The following RALGAPA1 variants were observed in gnomAD, a reference collection of about 807,000 sequenced individuals.
The protein encoded by RALGAPA1 is ral GTPase-activating protein subunit alpha-1.
Under a neutral mutation model 269.6 loss-of-function variants are expected in RALGAPA1, and 52 were observed. The ratio of observed to expected loss-of-function variants is 0.19; its 90% CI spans 0.15 to 0.24. The LOEUF (loss-of-function observed/expected upper bound fraction) is 0.24, where lower values mean the gene tolerates loss of function less well. Among genes scored for constraint, RALGAPA1 ranks in the 10% least tolerant of loss-of-function variants. RALGAPA1 has a pLI of 1.00. For missense variants in RALGAPA1, 1,917 were observed against 3,013.9 expected, an observed-to-expected ratio of 0.64 and a Z score of 8.52; for synonymous variants, 817 against 1,008.3, an observed-to-expected ratio of 0.81 and a Z score of 3.60.
chr14:35,707,390 C>G (rs564918180), intron 16 of RALGAPA1: 3 of 152,204 alleles, frequency 2.0e-5, no homozygotes, highest in Admixed American at 1.3e-4. Flanking sequence ...CAGAAAAAAA[C>G]CTAGTTTCTC....
chr14:35,687,583 T>G (rs953161452), intron 18 of RALGAPA1, among the ~76,000 whole-genome samples: 1 of 152,210 alleles, frequency 6.6e-6, no homozygotes, highest in South Asian at 2.1e-4. Context: ...AACAAAACCA[T>G]GTTAAAACAA....
At chr14:35,601,469 T>A (rs994311016) in intron 36 of RALGAPA1, among the ~76,000 whole-genome samples, 1 of 152,068 alleles carries the variant, frequency 6.6e-6, no homozygotes, top group Non-Finnish European at 1.5e-5. Flanking sequence ...GGGGATGGGG[T>A]CAAGGAATTG....
At chr14:35,747,881 T>G (rs2072268211) in intron 10 of RALGAPA1, among the ~76,000 whole-genome samples, 1 of 152,172 alleles carries the variant, frequency 6.6e-6, no homozygotes, top group Non-Finnish European at 1.5e-5. Flanking sequence ...AATAGCTTTT[T>G]GTTCTTTTAT....
At chr14:35,691,969 C>G (rs1210448604) in intron 17 of RALGAPA1, among the ~76,000 whole-genome samples, 1 of 152,138 alleles carries the variant, frequency 6.6e-6, no homozygotes, top group South Asian at 2.1e-4. Flanking sequence ...CATTTCCTTA[C>G]AAACTTCACT....
intron 16 of RALGAPA1, 117 bp downstream of exon 16, chr14:35,721,571 T>A: frequency 1.1e-6 from 1 of 925,768 alleles, no homozygotes; most frequent in Non-Finnish European, 1.6e-6. Flanking sequence ...GCTATAGCAG[T>A]TTTTCATTTC....
At chr14:35,623,682 T>C (rs1011612887) in intron 35 of RALGAPA1, among the ~76,000 whole-genome samples, 6 of 152,236 alleles carry the variant, frequency 3.9e-5, no homozygotes, top group Non-Finnish European at 7.3e-5. Context: ...TGAAATATCC[T>C]GATACGATTT....
At chr14:35,639,780 A>G (rs1247613572) in intron 31 of RALGAPA1, among the ~76,000 whole-genome samples, 1 of 152,014 alleles carries the variant, frequency 6.6e-6, no homozygotes, top group Non-Finnish European at 1.5e-5. Flanking sequence ...TCTACTAAAA[A>G]TACAAAAAAT....
At chr14:35,662,937 T>TGGGG (rs34890691) in intron 27 of RALGAPA1, among the ~76,000 whole-genome samples, 1 of 76,466 alleles carries the variant, frequency 1.3e-5, no homozygotes, top group Non-Finnish European at 3.4e-5. Flanking sequence ...TTTCCTTTTT[T>TGGGG]GGGGGGGGGG....
intron 1 of RALGAPA1, among the ~76,000 whole-genome samples, chr14:35,779,739 A>T (rs1177824982): frequency 3.9e-5 from 6 of 152,142 alleles, no homozygotes; most frequent in African/African-American, 1.4e-4. Flanking sequence ...TTTGCGACAT[A>T]TTAGGAGCCA....
chr14:35,631,538 GA>G (rs1456081339), intron 33 of RALGAPA1, among the ~76,000 whole-genome samples: 5 of 152,058 alleles, frequency 3.3e-5, no homozygotes, highest in Non-Finnish European at 5.9e-5. Flanking sequence ...CCTTTTGAGT[GA>G]CATACTTAAA....
At chr14:35,763,232 T>C (rs1450192348) in intron 4 of RALGAPA1, among the ~76,000 whole-genome samples, 3 of 152,122 alleles carry the variant, frequency 2.0e-5, no homozygotes, top group African/African-American at 4.8e-5. Flanking sequence ...TTCAAACCTA[T>C]AATAAAATAC....
At chr14:35,799,280 G>C (rs749836955) in intron 1 of RALGAPA1, among the ~76,000 whole-genome samples, 7 of 152,140 alleles carry the variant, frequency 4.6e-5, no homozygotes, top group Non-Finnish European at 1.0e-4. Context: ...GTATACTATA[G>C]GCTGGGCACA....
At chr14:35,798,647 C>T (rs1228061139) in intron 1 of RALGAPA1, among the ~76,000 whole-genome samples, 1 of 152,000 alleles carries the variant, frequency 6.6e-6, no homozygotes, top group Non-Finnish European at 1.5e-5. Context: ...ATCATCATCA[C>T]AGAAAAAAAT....
chr14:35,672,567 A>AAAGAAAGGTATCAGCCTAAGC (rs1353334062), intron 25 of RALGAPA1, among the ~76,000 whole-genome samples: 2 of 152,120 alleles, frequency 1.3e-5, no homozygotes, highest in Non-Finnish European at 2.9e-5. Context: ...GAATATTATT[A>AAAGAAAGGTATCAGCCTAAGC]AAGAAAGGTA....
At chr14:35,628,441 T>C (rs2061124824) in intron 33 of RALGAPA1, among the ~76,000 whole-genome samples, 1 of 152,036 alleles carries the variant, frequency 6.6e-6, no homozygotes, top group Non-Finnish European at 1.5e-5. Flanking sequence ...AGCCCAGGTG[T>C]CAGAGCAAGA....
intron 16 of RALGAPA1, among the ~76,000 whole-genome samples, chr14:35,710,149 C>T (rs1166571577): frequency 3.9e-5 from 6 of 152,182 alleles, no homozygotes; most frequent in African/African-American, 1.4e-4. Flanking sequence ...ACCACAGTAC[C>T]ACTACTTCTT....
At chr14:35,620,822 G>A (rs761799985) in intron 35 of RALGAPA1, among the ~76,000 whole-genome samples, 58 of 151,938 alleles carry the variant, frequency 3.8e-4, no homozygotes, top group African/African-American at 1.0e-3. Context: ...TGAAGTTCTC[G>A]TCAAGGAGAA....
chr14:35,787,629 C>CT (rs376200075), intron 1 of RALGAPA1, among the ~76,000 whole-genome samples: 18 of 148,020 alleles, frequency 1.2e-4, no homozygotes, highest in Admixed American at 4.7e-4. Context: ...TTACCCATTT[C>CT]TTTTTTTTTT....
chr14:35,566,982 T>C (rs1222952130), intron 39 of RALGAPA1, among the ~76,000 whole-genome samples: 1 of 151,236 alleles, frequency 6.6e-6, no homozygotes, highest in African/African-American at 2.4e-5. Context: ...TGCATGTATA[T>C]ACATACTACA....
Sources: allele counts gnomAD v4.1 joint callset (sites outside exome capture counted in the v4.1 genomes callset), GRCh38; gene constraint gnomAD v4.1.1; transcripts MANE v1.5; gene names NCBI Gene and HGNC (gene_info 2026-07-23, HGNC 2026-07-21).